ANKRD13C: variants seen among roughly 807,000 people sequenced by gnomAD.
ANKRD13C encodes ankyrin repeat domain-containing protein 13C.
ANKRD13C carries 16 observed loss-of-function variants against 65.5 expected under a neutral mutation model. The observed-to-expected ratio is 0.24, with a 90% confidence interval of 0.17 to 0.37. The LOEUF (loss-of-function observed/expected upper bound fraction) is 0.37. Among genes scored for constraint, ANKRD13C ranks in the 10% least tolerant of loss-of-function variants. The pLI, the probability that ANKRD13C is intolerant of heterozygous loss-of-function variation, is 1.00. For synonymous variants in ANKRD13C, 235 were observed against 238.7 expected, an observed-to-expected ratio of 0.98 and a Z score of 0.14; for missense variants, 503 against 655.9, an observed-to-expected ratio of 0.77 and a Z score of 2.55.
At chr1:70,296,096 T>C (rs1335680492) in intron 8 of ANKRD13C, 34 bp downstream of exon 8, 6 of 1,604,260 alleles carry the variant, frequency 3.7e-6, no homozygotes, top group Non-Finnish European at 5.1e-6. Context: ...TACCGAACAA[T>C]GCTTAAAGTT....
intron 12 of ANKRD13C, among the ~76,000 whole-genome samples, chr1:70,267,817 T>C (rs1265718007): frequency 2.0e-5 from 3 of 152,132 alleles, no homozygotes; most frequent in African/African-American, 7.2e-5. Flanking sequence ...TACATTATTG[T>C]GTGTATGTGT....
chr1:70,283,873 T>C (rs983421164), intron 9 of ANKRD13C, among the ~76,000 whole-genome samples: 1 of 152,070 alleles, frequency 6.6e-6, no homozygotes, highest in Non-Finnish European at 1.5e-5. Context: ...TCTGAACATA[T>C]AGTTGGCACA....
intron 3 of ANKRD13C, among the ~76,000 whole-genome samples, chr1:70,320,470 G>T (rs1373537317): frequency 6.6e-6 from 1 of 151,640 alleles, no homozygotes; most frequent in East Asian, 2.0e-4. Context: ...AGTAGCTGGG[G>T]CCACATACGC....
intron 3 of ANKRD13C, among the ~76,000 whole-genome samples, chr1:70,321,569 A>C (rs1681310733): frequency 6.6e-6 from 1 of 152,178 alleles, no homozygotes; most frequent in Non-Finnish European, 1.5e-5. Context: ...ACTTCTGGAG[A>C]GACAAAAGAC....
intron 5 of ANKRD13C, among the ~76,000 whole-genome samples, chr1:70,309,782 T>C (rs927365247): frequency 1.3e-5 from 2 of 150,692 alleles, no homozygotes; most frequent in African/African-American, 2.4e-5. Context: ...ACAGGATGGA[T>C]TGATTCTGTA....
Position 70,289,594 on chromosome 1 carries a change from G to A in ANKRD13C, c.1215+2794C>T, listed in dbSNP as rs1469094938. Reference sequence around the variant, plus strand: ...CCATTTTTCTGCCTCAGCCTCCTGAGTAGCTGGGACTACAGGCGCCCGCCA... The same window carrying A: ...CCATTTTTCTGCCTCAGCCTCCTGAATAGCTGGGACTACAGGCGCCCGCCA... On this transcript the variant is annotated intron_variant, in intron 9 of 12. Coordinates refer to ENST00000370944, the MANE Select transcript of ANKRD13C (RefSeq NM_030816.5). Among the ~76,000 whole-genome samples, 4 of 151,486 alleles carry A rather than the reference G, an allele frequency of 2.6e-5. 1 individual carries two copies. The highest frequency in any genetic ancestry group is 2.6e-4 in the Admixed American group (4 of 15,210).
At chr1:70,264,959 C>T (rs997331836) in intron 12 of ANKRD13C, among the ~76,000 whole-genome samples, 2 of 151,986 alleles carry the variant, frequency 1.3e-5, no homozygotes, top group Admixed American at 6.5e-5. Context: ...TAGAAGAACA[C>T]GAAGTACAAA....
At chr1:70,313,467 C>CT (rs1292949005) in intron 5 of ANKRD13C, among the ~76,000 whole-genome samples, 1 of 148,934 alleles carries the variant, frequency 6.7e-6, no homozygotes, top group African/African-American at 2.5e-5. Context: ...GGGTTCGAGG[C>CT]TGTAGTAAGC....
chr1:70,289,633 AT>A (rs778610042), intron 9 of ANKRD13C, among the ~76,000 whole-genome samples: 485 of 138,652 alleles, frequency 3.5e-3, no homozygotes, highest in Middle Eastern at 7.0e-3. Context: ...CGCCCGGCTA[AT>A]TTTTTTTTTT....
At chr1:70,310,596 T>C (rs958719121) in intron 5 of ANKRD13C, among the ~76,000 whole-genome samples, 1 of 152,240 alleles carries the variant, frequency 6.6e-6, no homozygotes, top group Non-Finnish European at 1.5e-5. Flanking sequence ...TAACTATAGA[T>C]ATATACACAA....
At position 70,268,148 on chromosome 1, in the gene ANKRD13C, T is replaced by C. The variant is rs116442778; in HGVS notation, c.1495+2708A>G. ...ACAGGTAGAAGGAAAACGAGAAATATGAAGTCACTCATACAGCTAGCTTCC... is the reference window on the plus strand; with the variant it reads ...ACAGGTAGAAGGAAAACGAGAAATACGAAGTCACTCATACAGCTAGCTTCC... On this transcript the variant is annotated intron_variant, in intron 12 of 12. Coordinates refer to ENST00000370944, the MANE Select transcript of ANKRD13C (RefSeq NM_030816.5). 7.5e-3 allele frequency among the ~76,000 whole-genome samples: 1,145 copies of C among 152,174 alleles called. 17 individuals are homozygous for C. Among genetic ancestry groups the C allele is most frequent in the African/African-American group, 0.026 (1,088 of 41,496 alleles).
intron 9 of ANKRD13C, 86 bp downstream of exon 9, chr1:70,292,302 T>A: frequency 2.9e-6 from 3 of 1,048,766 alleles, no homozygotes; most frequent in Admixed American, 3.1e-5. Context: ...GTGAGTACAT[T>A]TATATACTTA....
At chr1:70,316,316 G>C (rs891843012) in intron 3 of ANKRD13C, among the ~76,000 whole-genome samples, 1 of 152,154 alleles carries the variant, frequency 6.6e-6, no homozygotes, top group African/African-American at 2.4e-5. Flanking sequence ...ACCACTTAGT[G>C]GTTGTGGGTA....
In ANKRD13C at chr1:70,354,092, T is replaced by A. The variant is rs1312461530; in HGVS notation, c.317A>T (p.Asp106Val). Residue 106 changes from aspartate to valine, a missense_variant, in exon 1 of 13, where the codon GAT (aspartate) becomes GTT (valine). Transcript: ENST00000370944. Reference protein sequence around the residue: ...AGTNPVAVVADGGSCPAHYPV... With the variant: ...AGTNPVAVVAVGGSCPAHYPV... ...GTAGTGTGCGGGGCAACTGCCTCCATCCGCGACGACAGCAACGGGGTTGGT... is the reference window on the plus strand; with the variant it reads ...GTAGTGTGCGGGGCAACTGCCTCCAACCGCGACGACAGCAACGGGGTTGGT... 1 of 1,612,302 alleles carries A rather than the reference T, an allele frequency of 6.2e-7. No individual in the cohort carries two copies. The highest frequency in any genetic ancestry group is 1.7e-5 in the Admixed American group (1 of 59,896).
At chr1:70,309,070 T>C (rs1680722342) in intron 5 of ANKRD13C, among the ~76,000 whole-genome samples, 2 of 149,480 alleles carry the variant, frequency 1.3e-5, no homozygotes, top group Admixed American at 1.3e-4. Flanking sequence ...TTAGACAGAG[T>C]GTCGCTCTGT....
chr1:70,320,977 TG>T (rs1217104612), intron 3 of ANKRD13C, among the ~76,000 whole-genome samples: 7 of 151,904 alleles, frequency 4.6e-5, no homozygotes, highest in Non-Finnish European at 1.0e-4. Flanking sequence ...TTTGTAGTGT[TG>T]GGGTCCCCCT....
At chr1:70,343,715 T>A (rs1243510915) in intron 1 of ANKRD13C, among the ~76,000 whole-genome samples, 1 of 152,100 alleles carries the variant, frequency 6.6e-6, no homozygotes, top group Non-Finnish European at 1.5e-5. Context: ...GTATTTTTAG[T>A]AGGGATGGAG....
chr1:70,272,369 C>A (rs1678927700), intron 11 of ANKRD13C, among the ~76,000 whole-genome samples: 1 of 151,810 alleles, frequency 6.6e-6, no homozygotes, highest in African/African-American at 2.4e-5. Flanking sequence ...TACAGGTATG[C>A]ACCACCACAC....
chr1:70,323,636 G>T (rs1265750241), intron 3 of ANKRD13C, among the ~76,000 whole-genome samples: 2 of 150,182 alleles, frequency 1.3e-5, no homozygotes, highest in East Asian at 3.9e-4. Flanking sequence ...GACAGGGCGA[G>T]ACTCCCTCTC....
Sources: allele counts gnomAD v4.1 joint callset (sites outside exome capture counted in the v4.1 genomes callset), GRCh38; gene constraint gnomAD v4.1.1; transcripts MANE v1.5; gene names NCBI Gene and HGNC (gene_info 2026-07-23, HGNC 2026-07-21).